Variants in THRB observed in about 807,000 individuals in gnomAD.
THRB encodes thyroid hormone receptor beta.
THRB carries 12 observed loss-of-function variants against 47.8 expected under a neutral mutation model. The observed-to-expected ratio is 0.25, with a 90% CI of 0.16 to 0.41. The LOEUF (loss-of-function observed/expected upper bound fraction) is 0.41. THRB is among the 10% of genes least tolerant of loss of function. The pLI is 1.00. For missense variants in THRB, 348 were observed against 589.2 expected, an observed-to-expected ratio of 0.59 and a Z score of 4.24; for synonymous variants, 218 against 212.2, an observed-to-expected ratio of 1.03 and a Z score of -0.24.
chr3:24,141,079 G>T (rs1420446000), intron 8 of THRB, among the ~76,000 whole-genome samples: 2 of 152,166 alleles, frequency 1.3e-5, no homozygotes, highest in Non-Finnish European at 2.9e-5. Context: ...AATCAAGATG[G>T]ACAATTTCTT....
At chr3:24,238,174 C>T (rs190010281) in intron 3 of THRB, 1 of 151,270 alleles carries the variant, frequency 6.6e-6, no homozygotes, top group African/African-American at 2.4e-5. Context: ...GCAGATGCCC[C>T]TTTGGCCAAA....
chr3:24,125,176 T>TAAATCAGAAGATAACCACAAAAATA (rs1356598922), intron 10 of THRB, among the ~76,000 whole-genome samples: 2 of 152,214 alleles, frequency 1.3e-5, no homozygotes, highest in African/African-American at 4.8e-5. Flanking sequence ...CCATTTGACA[T>TAAATCAGAAGATAACCACAAAAATA]AAATCAGAAG....
intron 1 of THRB, among the ~76,000 whole-genome samples, chr3:24,360,302 G>C (rs1303717466): frequency 6.6e-6 from 1 of 152,146 alleles, no homozygotes; most frequent in Non-Finnish European, 1.5e-5. Context: ...GAGCGAAAAT[G>C]TAGCAAAGTC....
intron 1 of THRB, among the ~76,000 whole-genome samples, chr3:24,452,630 G>T (rs963760539): frequency 6.6e-6 from 1 of 151,890 alleles, no homozygotes; most frequent in Non-Finnish European, 1.5e-5. Context: ...AGGAACCGGC[G>T]CTATAAACCA....
chr3:24,152,960 CAAA>C (rs746418494), intron 5 of THRB, among the ~76,000 whole-genome samples: 2 of 86,932 alleles, frequency 2.3e-5, no homozygotes, highest in Non-Finnish European at 4.7e-5. Context: ...GAAATTCTGC[CAAA>C]AAAAAAAAAA....
intron 5 of THRB, among the ~76,000 whole-genome samples, chr3:24,155,663 C>A (rs1208489065): frequency 6.6e-6 from 1 of 152,170 alleles, no homozygotes; most frequent in Non-Finnish European, 1.5e-5. Context: ...CCATCATTTT[C>A]CTTTGTCATA....
At chr3:24,171,827 A>G (rs180941745) in intron 5 of THRB, among the ~76,000 whole-genome samples, 11 of 152,196 alleles carry the variant, frequency 7.2e-5, no homozygotes, top group African/African-American at 2.4e-4. Context: ...CAGTCCTGGG[A>G]GTGTTAATTA....
chr3:24,456,785 G>C (rs1385156658), intron 1 of THRB, among the ~76,000 whole-genome samples: 1 of 151,812 alleles, frequency 6.6e-6, no homozygotes, highest in Non-Finnish European at 1.5e-5. Context: ...TATTATATAA[G>C]ATAAACTTAC....
chr3:24,308,865 T>G (rs1198787187), intron 2 of THRB, among the ~76,000 whole-genome samples: 1 of 152,206 alleles, frequency 6.6e-6, no homozygotes, highest in Non-Finnish European at 1.5e-5. Context: ...CTTTTGTTTT[T>G]GTGCCTCTAT....
chr3:24,279,764 G>C (rs2054346205), intron 3 of THRB, among the ~76,000 whole-genome samples: 1 of 151,984 alleles, frequency 6.6e-6, no homozygotes. Context: ...ACATTGCCTT[G>C]TAAGACAGTA....
At chr3:24,430,010 T>A (rs974893299) in intron 1 of THRB, 1 of 151,978 alleles carries the variant, frequency 6.6e-6, no homozygotes, top group Non-Finnish European at 1.5e-5. Context: ...TAACAGAACA[T>A]GTTTGTCCTC....
chr3:24,474,659 C>T (rs1236708174), intron 1 of THRB, among the ~76,000 whole-genome samples: 1 of 152,156 alleles, frequency 6.6e-6, no homozygotes, highest in Non-Finnish European at 1.5e-5. Context: ...ATACACAATC[C>T]TTCCAGGAAG....
intron 2 of THRB, among the ~76,000 whole-genome samples, chr3:24,332,720 C>G (rs1371744185): frequency 6.6e-6 from 1 of 152,132 alleles, no homozygotes; most frequent in East Asian, 1.9e-4. Flanking sequence ...AATAGCTCAA[C>G]AGCACCAATA....
At chr3:24,241,609 G>A (rs1176895510) in intron 3 of THRB, among the ~76,000 whole-genome samples, 2 of 152,164 alleles carry the variant, frequency 1.3e-5, no homozygotes, top group Non-Finnish European at 2.9e-5. Flanking sequence ...CATTAGCTAG[G>A]TGCTAGAGAA....
intron 5 of THRB, among the ~76,000 whole-genome samples, chr3:24,175,898 G>C (rs79371710): frequency 6.7e-6 from 1 of 150,110 alleles, no homozygotes; most frequent in Non-Finnish European, 1.5e-5. Flanking sequence ...AATTACAAAG[G>C]GAAAAGGTTA....
Position 24,404,448 on chromosome 3 carries a change from C to T in THRB, c.-260-67077G>A, listed in dbSNP as rs9843565. 6.2e-3 allele frequency among the ~76,000 whole-genome samples: 937 copies of T among 151,878 alleles called. 10 individuals are homozygous for T. The highest frequency in any genetic ancestry group is 0.021 in the African/African-American group (867 of 41,486). On this transcript the variant is annotated intron_variant, in intron 1 of 10. Coordinates refer to ENST00000646209, the MANE Select transcript of THRB (RefSeq NM_001354712.2). ...CTTTTTACAATGCCATAACTGTTTG[C>T]GGATTAATTTTCTTCACATACTTCA... is the stretch of plus-strand genomic sequence containing the variant.
intron 3 of THRB, among the ~76,000 whole-genome samples, chr3:24,294,659 C>T (rs1338013822): frequency 6.6e-6 from 1 of 152,140 alleles, no homozygotes; most frequent in Admixed American, 6.5e-5. Context: ...AAAGGCAACA[C>T]GGAGACAATA....
At chr3:24,268,625 A>T (rs1390608789) in intron 3 of THRB, among the ~76,000 whole-genome samples, 1 of 152,118 alleles carries the variant, frequency 6.6e-6, no homozygotes, top group Non-Finnish European at 1.5e-5. Context: ...TTATAATGTG[A>T]TCCTATATTT....
intron 3 of THRB, among the ~76,000 whole-genome samples, chr3:24,271,211 A>T (rs534527418): frequency 6.6e-6 from 1 of 152,328 alleles, no homozygotes; most frequent in Non-Finnish European, 1.5e-5. Flanking sequence ...AAAATCAAAC[A>T]ACCATTTGTT....
Sources: allele counts gnomAD v4.1 joint callset (sites outside exome capture counted in the v4.1 genomes callset), GRCh38; gene constraint gnomAD v4.1.1; transcripts MANE v1.5; gene names NCBI Gene and HGNC (gene_info 2026-07-23, HGNC 2026-07-21).